Variants in FERMT2 observed in about 807,000 individuals in gnomAD.
FERMT2 encodes FERM domain containing kindlin 2, also known as fermitin family homolog 2.
Under a neutral mutation model 82.7 loss-of-function variants are expected in FERMT2, and 15 were observed. The observed-to-expected ratio is 0.18, with a 90% CI of 0.12 to 0.28. FERMT2 has a LOEUF of 0.28. Among genes scored for constraint, FERMT2 ranks in the 10% least tolerant of loss-of-function variants. FERMT2 has a pLI of 1.00. For synonymous variants in FERMT2, 274 were observed against 271.5 expected (o/e 1.01, Z -0.09); for missense variants, 645 against 809.4 (o/e 0.80, Z 2.46).
intron 2 of FERMT2, among the ~76,000 whole-genome samples, chr14:52,939,236 G>A (rs1417927021): frequency 6.6e-6 from 1 of 150,456 alleles, no homozygotes; most frequent in Non-Finnish European, 1.5e-5. Flanking sequence ...AGCAGGGCAT[G>A]GTGGTGCGTG....
At chr14:52,916,901 A>T (rs548934462) in intron 3 of FERMT2, among the ~76,000 whole-genome samples, 1 of 152,238 alleles carries the variant, frequency 6.6e-6, no homozygotes, top group African/African-American at 2.4e-5. Flanking sequence ...TAAACAATTA[A>T]AAAAAGGAAC....
chr14:52,907,376 AAG>A (rs761565108), intron 3 of FERMT2, among the ~76,000 whole-genome samples: 21 of 152,316 alleles, frequency 1.4e-4, no homozygotes, highest in East Asian at 1.2e-3. Context: ...GCACTATAAG[AAG>A]AGAGGCATAT....
chr14:52,933,630 A>G (rs1250667735), intron 2 of FERMT2, among the ~76,000 whole-genome samples: 9 of 148,518 alleles, frequency 6.1e-5, no homozygotes, highest in Admixed American at 4.9e-4. Flanking sequence ...GAATTGCTTG[A>G]ACACTGGAGG....
chr14:52,869,272 G>A (rs1221148230), intron 10 of FERMT2, among the ~76,000 whole-genome samples: 2 of 152,146 alleles, frequency 1.3e-5, no homozygotes, highest in African/African-American at 4.8e-5. Context: ...ATTCCAAAAT[G>A]TGGGAATAGC....
intron 3 of FERMT2, among the ~76,000 whole-genome samples, chr14:52,909,970 T>C (rs1888222725): frequency 6.6e-6 from 1 of 152,082 alleles, no homozygotes; most frequent in Non-Finnish European, 1.5e-5. Context: ...GGAGAATCGC[T>C]TGAAGCCAGG....
rs989470911 is a variant in FERMT2 at position 52,899,424 on chromosome 14, G to A, written c.392-5997C>T. 3.9e-5 allele frequency among the ~76,000 whole-genome samples: 6 copies of A among 152,010 alleles called. No individual in the cohort carries two copies. In the East Asian group the frequency reaches 5.8e-4, roughly 15 times the overall value. On this transcript the variant is annotated intron_variant, in intron 3 of 14. Transcript: ENST00000341590. ...CAGCCTCCGGAGTAGCTGGGATTGC[G>A]GGCGCCCGCCACCACACCCAGCTAA...
intron 4 of FERMT2, among the ~76,000 whole-genome samples, chr14:52,888,212 T>G (rs1290213986): frequency 6.6e-6 from 1 of 152,194 alleles, no homozygotes; most frequent in Non-Finnish European, 1.5e-5. Context: ...TTTGTGATTT[T>G]GGTTTGCAAC....
Position 52,864,737 on chromosome 14 carries a change from GA to G in FERMT2, c.1380+9del, listed in dbSNP as rs752796550. The G allele has an allele frequency of 2.5e-6, 4 of 1,600,584 alleles. No homozygotes were observed. The Admixed American group carries it at 6.8e-5, about 27-fold the overall frequency. On this transcript the variant is annotated intron_variant, in intron 11 of 14. Coordinates refer to ENST00000341590, the MANE Select transcript of FERMT2 (RefSeq NM_006832.3). ...GAAAATTGAAGTGTATTTTTAACTG[GA>G]AAACTTACATTGTCACAACGAAGCC...
rs567984718 is a variant in FERMT2 at position 52,881,390 on chromosome 14, T to C, written c.606A>G (p.Ser202=). The C allele has an allele frequency of 1.2e-6, 2 of 1,613,996 alleles. No individual in the cohort carries two copies. Among genetic ancestry groups the C allele is most frequent in the East Asian group, 2.2e-5 (1 of 44,854 alleles). ...TYDAHDGSPL[S]PTSAWFGDSA... is the part of the protein sequence containing the mutation. Reference sequence around the variant, plus strand: ...TGTCACCAAACCAAGCAGAAGTTGGTGACAAGGGGCTTCCATCATGAGCAT... The same window carrying C: ...TGTCACCAAACCAAGCAGAAGTTGGCGACAAGGGGCTTCCATCATGAGCAT... Residue 202 remains serine, a synonymous_variant, in exon 5 of 15, where the codon TCA becomes TCG. Coordinates refer to ENST00000341590, the MANE Select transcript of FERMT2 (RefSeq NM_006832.3).
chr14:52,876,436 C>T (rs1422598249), intron 7 of FERMT2, among the ~76,000 whole-genome samples: 7 of 152,130 alleles, frequency 4.6e-5, no homozygotes, highest in African/African-American at 1.7e-4. Context: ...CTCCAGAGAT[C>T]CTGATTCAGG....
At chr14:52,929,051 T>C (rs1157812282) in intron 2 of FERMT2, among the ~76,000 whole-genome samples, 1 of 152,150 alleles carries the variant, frequency 6.6e-6, no homozygotes, top group African/African-American at 2.4e-5. Flanking sequence ...CGCCAGCCTA[T>C]ACACCCTACT....
At chr14:52,893,561 T>G in intron 3 of FERMT2, 134 bp from the exon 4 acceptor site, 1 of 629,202 alleles carries the variant, frequency 1.6e-6, no homozygotes. Flanking sequence ...ATTGATGTCA[T>G]GCAAAACACT....
Position 52,879,371 on chromosome 14 carries a change from T to C in FERMT2, c.856-682A>G, listed in dbSNP as rs560764677. Among the ~76,000 whole-genome samples the C allele has an allele frequency of 1.1e-4, 17 of 152,284 alleles. No homozygotes were observed. In the South Asian group the frequency reaches 2.9e-3, roughly 26 times the overall value. ...GTGTTGAATTTAGAATTTTTATAGATGATGGAATATTCCATTATACCAGTT... is the reference window on the plus strand; with the variant it reads ...GTGTTGAATTTAGAATTTTTATAGACGATGGAATATTCCATTATACCAGTT... On this transcript the variant is annotated intron_variant, in intron 6 of 14. Transcript: ENST00000341590.
intron 6 of FERMT2, among the ~76,000 whole-genome samples, chr14:52,880,558 G>A (rs1270478736): frequency 2.6e-5 from 4 of 152,090 alleles, no homozygotes; most frequent in East Asian, 1.9e-4. Flanking sequence ...GCCACCATGC[G>A]TGGCTAGTTT....
Position 52,864,381 on chromosome 14 carries a change from A to G in FERMT2, c.1602+20T>C, listed in dbSNP as rs752268255. 6.5e-7 allele frequency: 1 copy of G among 1,547,350 alleles called. No individual in the cohort carries two copies. Reference sequence around the variant, plus strand: ...TAAAAACAAACCAGCACAGTAGATGAAGTAAAATGAAGTAAGTACCTGCTT... The same window carrying G: ...TAAAAACAAACCAGCACAGTAGATGGAGTAAAATGAAGTAAGTACCTGCTT... On this transcript the variant is annotated intron_variant, in intron 12 of 14. Coordinates refer to ENST00000341590, the MANE Select transcript of FERMT2 (RefSeq NM_006832.3).
chr14:52,881,329 C>T lies in FERMT2; in HGVS notation c.667G>A (p.Val223Ile), dbSNP rs150320917. 2.2e-4 allele frequency: 348 copies of T among 1,614,028 alleles called. 1 individual carries two copies. The highest frequency in any genetic ancestry group is 2.8e-4 in the Non-Finnish European group (336 of 1,179,990). ...LSEGNPGILA[V>I]SQPITSPEIL... ...TCTGGTGACGTGATTGGTTGACTGA[C>T]AGCAAGTATACCAGGATTGCCTTCT... The change falls in exon 5 of 15, where the codon GTC (valine) becomes ATC (isoleucine). Residue 223 changes from valine to isoleucine, a missense_variant. By Grantham distance (29) the Val-to-Ile change is conservative. Coordinates refer to ENST00000341590, the MANE Select transcript of FERMT2 (RefSeq NM_006832.3).
intron 3 of FERMT2, among the ~76,000 whole-genome samples, chr14:52,896,824 TACAA>T (rs1370850823): frequency 2.0e-5 from 3 of 152,060 alleles, no homozygotes; most frequent in Admixed American, 6.6e-5. Flanking sequence ...ACCTTTTCTC[TACAA>T]ACAAAATTTT....
chr14:52,911,675 G>A (rs985139858), intron 3 of FERMT2, among the ~76,000 whole-genome samples: 2 of 150,652 alleles, frequency 1.3e-5, no homozygotes, highest in Non-Finnish European at 1.5e-5. Flanking sequence ...AAAAAAGCAG[G>A]CTGCAGGCCA....
At chr14:52,946,513 T>C (rs965286400) in intron 2 of FERMT2, among the ~76,000 whole-genome samples, 2 of 151,976 alleles carry the variant, frequency 1.3e-5, no homozygotes, top group Non-Finnish European at 1.5e-5. Context: ...GTCAGCAAGA[T>C]GTGGTGGTGC....
Sources: gnomAD v4.1 joint callset for allele counts (sites outside exome capture counted in the v4.1 genomes callset) on GRCh38, gnomAD v4.1.1 for gene constraint, MANE v1.5 for transcripts, NCBI Gene and HGNC (gene_info 2026-07-23, HGNC 2026-07-21) for gene names.